EPYC: variants seen among roughly 807,000 people sequenced by gnomAD.
EPYC encodes the protein epiphycan, also known as dermatan sulfate proteoglycan 3.
Under a neutral mutation model 30.1 loss-of-function variants are expected in EPYC, and 28 were observed. That is an observed-to-expected ratio of 0.93 (90% CI 0.69 to 1.28). The LOEUF (loss-of-function observed/expected upper bound fraction) is 1.28, where lower values mean the gene tolerates loss of function less well. EPYC is among the 50% of genes most tolerant of loss of function. EPYC has a pLI of 0.00. For synonymous variants in EPYC, 144 were observed against 141.4 expected (o/e 1.02, Z -0.13); for missense variants, 382 against 383.5 (o/e 1.00, Z 0.03).
chr12:90,969,965 C>T lies in EPYC; in HGVS notation c.798+79G>A. On this transcript the variant is annotated intron_variant, in intron 6 of 6. Transcript: ENST00000261172. ...CAGTGTGTCAACATGCCATTACAGA[C>T]AAATTCTTGTGTCCTGATGTCCTTT... 8 of 973,932 alleles carry T rather than the reference C, an allele frequency of 8.2e-6. No homozygotes were observed. The South Asian group carries it at 1.1e-4, about 13-fold the overall frequency. 60.3% of individuals were successfully genotyped at this position (973,932 alleles called of 1,614,324 possible).
rs569738872 is a variant in EPYC at position 90,991,373 on chromosome 12, G to A, written c.165+11028C>T. 2.6e-5 allele frequency among the ~76,000 whole-genome samples: 4 copies of A among 152,120 alleles called. No individual in the cohort carries two copies. The East Asian group carries it at 7.7e-4, about 29-fold the overall frequency. On this transcript the variant is annotated intron_variant, in intron 2 of 6. Transcript: ENST00000261172. The stretch of plus-strand genomic sequence containing the variant: ...TGCATATTAATGGAGGGCTAGGCAG[G>A]ACAATAACAAGTGAAGTCCCAATTC...
chr12:91,003,868 T>C (rs898566175), intron 1 of EPYC, among the ~76,000 whole-genome samples: 1 of 152,084 alleles, frequency 6.6e-6, no homozygotes, highest in African/African-American at 2.4e-5. Flanking sequence ...AAGAAAGCCT[T>C]TATGAAGCAG....
rs757665346 is a variant in EPYC, at chr12:90,991,854, A to G, written c.165+10547T>C. Among the ~76,000 whole-genome samples the G allele has an allele frequency of 2.0e-5, 3 of 152,180 alleles. No individual in the cohort carries two copies. In the East Asian group the frequency reaches 5.8e-4, roughly 29 times the overall value. The stretch of plus-strand genomic sequence containing the variant: ...CACTGCACCAGAGAAGTGACTTGTG[A>G]TGCAGACTCGGATGTAGGAGACAGA... On this transcript the variant is annotated intron_variant, in intron 2 of 6. Coordinates refer to ENST00000261172, the MANE Select transcript of EPYC (RefSeq NM_004950.5).
chr12:90,997,821 CATT>C (rs1877729885), intron 2 of EPYC, among the ~76,000 whole-genome samples: 1 of 152,048 alleles, frequency 6.6e-6, no homozygotes, highest in Admixed American at 6.6e-5. Context: ...CTCTAGTTCA[CATT>C]ATCTACCCAT....
chr12:90,973,084 G>C, intron 3 of EPYC, 104 bp from the exon 4 acceptor site: 1 of 618,458 alleles, frequency 1.6e-6, no homozygotes, highest in East Asian at 3.2e-5. Context: ...CACTAACCAA[G>C]TAGATTTTAT....
At chr12:90,993,855 C>T (rs548133719) in intron 2 of EPYC, among the ~76,000 whole-genome samples, 1 of 151,882 alleles carries the variant, frequency 6.6e-6, no homozygotes, top group African/African-American at 2.4e-5. Context: ...ATGTAAGTAA[C>T]CTTAAATACT....
intron 4 of EPYC, 85 bp from the exon 5 acceptor site, chr12:90,972,087 A>C (rs1168783036): frequency 2.3e-6 from 2 of 888,028 alleles, no homozygotes; most frequent in African/African-American, 3.4e-5. Flanking sequence ...TTATTTTGCA[A>C]ATATAAATTT....
chr12:90,976,613 A>G (rs1325669730), intron 3 of EPYC, among the ~76,000 whole-genome samples: 1 of 152,048 alleles, frequency 6.6e-6, no homozygotes, highest in Non-Finnish European at 1.5e-5. Flanking sequence ...CTTAGGTAAT[A>G]TTGCTCCTCC....
chr12:90,971,993 T>A lies in EPYC; in HGVS notation c.509A>T (p.Lys170Ile). The A allele has an allele frequency of 6.4e-7, 1 of 1,563,168 alleles. No individual in the cohort carries two copies. Among genetic ancestry groups the A allele is most frequent in the Non-Finnish European group, 8.7e-7 (1 of 1,149,470 alleles). ...TAAATTTGATGTCAGATCAATCCTT[T>A]TTAAATCACCTAGCAGAAAAAAATA... The part of the protein sequence containing the change: ...KNDFASLSDL[K>I]RIDLTSNLIS... The change falls in exon 5 of 7, where the codon AAA (lysine) becomes ATA (isoleucine). Residue 170 changes from lysine (K) to isoleucine (I), a missense_variant. Coordinates refer to ENST00000261172, the MANE Select transcript of EPYC (RefSeq NM_004950.5).
intron 2 of EPYC, among the ~76,000 whole-genome samples, chr12:90,989,094 G>A (rs1877520601): frequency 6.6e-6 from 1 of 151,970 alleles, no homozygotes; most frequent in Non-Finnish European, 1.5e-5. Flanking sequence ...CATGATTGTA[G>A]TTTGCAAACC....
At chr12:90,974,488 T>A (rs573518654) in intron 3 of EPYC, among the ~76,000 whole-genome samples, 13 of 151,844 alleles carry the variant, frequency 8.6e-5, no homozygotes, top group African/African-American at 2.9e-4. Flanking sequence ...ATGCTTGGGG[T>A]TTGTTTGATG....
In EPYC at chr12:90,963,979, A is replaced by G; in HGVS notation, c.*177T>C. The G allele has an allele frequency of 2.0e-6, 1 of 489,126 alleles. No homozygotes were observed. Among genetic ancestry groups the G allele is most frequent in the Non-Finnish European group, 3.6e-6 (1 of 279,864 alleles). The allele number at this position is 489,126 out of a possible 1,614,324, so 30.3% of individuals were successfully genotyped here. ...AATGTTATAGGTTTATTCCTAACTC[A>G]TCTGGTGTTTTCTTAAATTACTACA... On this transcript the variant is annotated 3_prime_UTR_variant, in exon 7 of 7. Transcript: ENST00000261172.
intron 1 of EPYC, among the ~76,000 whole-genome samples, chr12:91,004,127 T>G (rs1235050930): frequency 1.3e-5 from 2 of 152,080 alleles, no homozygotes; most frequent in Non-Finnish European, 2.9e-5. Context: ...TCTCCCATAA[T>G]CAAGTTGGAA....
In EPYC at chr12:90,969,427, T is replaced by C. The variant is rs145936397; in HGVS notation, c.798+617A>G. Reference sequence around the variant, plus strand: ...TTTAATCACATAGGTGAAAATAAAATATTATTCATTCATTAAACTAATCAA... The same window carrying C: ...TTTAATCACATAGGTGAAAATAAAACATTATTCATTCATTAAACTAATCAA... On this transcript the variant is annotated intron_variant, in intron 6 of 6. Transcript: ENST00000261172. Among the ~76,000 whole-genome samples, 517 of 152,084 alleles carry C rather than the reference T, an allele frequency of 3.4e-3. 3 individuals carry two copies. The highest frequency in any genetic ancestry group is 5.0e-3 in the Non-Finnish European group (340 of 67,966).
intron 6 of EPYC, among the ~76,000 whole-genome samples, chr12:90,964,860 A>G (rs79568508): frequency 0.066 from 10,076 of 152,126 alleles, 552 homozygotes; most frequent in African/African-American, 0.16. Context: ...AGGGCCCAGG[A>G]CTGGATTTTT....
intron 2 of EPYC, among the ~76,000 whole-genome samples, chr12:90,998,032 T>A (rs1426984296): frequency 1.3e-5 from 2 of 152,102 alleles, no homozygotes; most frequent in African/African-American, 2.4e-5. Context: ...AATTACTAAC[T>A]GTTTAATCTT....
chr12:91,001,458 T>TGCAGC (rs1877820995), intron 2 of EPYC, among the ~76,000 whole-genome samples: 1 of 152,170 alleles, frequency 6.6e-6, no homozygotes, highest in Admixed American at 6.6e-5. Context: ...TGTTGCACAT[T>TGCAGC]AGTTACACTC....
chr12:91,000,205 T>A (rs1920752), intron 2 of EPYC, among the ~76,000 whole-genome samples: 1 of 151,874 alleles, frequency 6.6e-6, no homozygotes, highest in African/African-American at 2.4e-5. Flanking sequence ...ACTCACTGAG[T>A]ATTCTAAGTT....
Position 90,971,846 on chromosome 12 carries a change from C to G in EPYC, c.656G>C (p.Ser219Thr), listed in dbSNP as rs139254082. 21 of 1,611,586 alleles carry G rather than the reference C, an allele frequency of 1.3e-5. No homozygotes were observed. In the African/African-American group the frequency reaches 2.8e-4, roughly 22 times the overall value. The change falls in exon 5 of 7, where the codon AGC becomes ACC. Residue 219 changes from serine (S) to threonine (T), a missense_variant. Physicochemically the swap from Ser to Thr is moderately conservative, Grantham distance 58 (BLOSUM62 1). Transcript: ENST00000261172. ...LPTTLTFIDI[S>T]NNRLGRKGIK... Reference sequence around the variant, plus strand: ...CCCTTTCCTTCCAAGTCTATTGTTGCTAATATCAATAAATGTCAAAGTGGT... The same window carrying G: ...CCCTTTCCTTCCAAGTCTATTGTTGGTAATATCAATAAATGTCAAAGTGGT...
Sources: allele counts gnomAD v4.1 joint callset (sites outside exome capture counted in the v4.1 genomes callset), GRCh38; gene constraint gnomAD v4.1.1; transcripts MANE v1.5; gene names NCBI Gene and HGNC (gene_info 2026-07-23, HGNC 2026-07-21).